SNX18: variants seen among roughly 807,000 people sequenced by gnomAD.
SNX18 encodes sorting nexin-18.
In SNX18, 35 loss-of-function variants were observed where a neutral mutation model predicts 48.7. That is an observed-to-expected ratio of 0.72 (90% CI 0.55 to 0.95). SNX18 has a LOEUF of 0.95. SNX18 is among the 40% of genes least tolerant of loss of function. The pLI, the probability that SNX18 is intolerant of heterozygous loss-of-function variation, is 0.00. For synonymous variants in SNX18, 492 were observed against 384.7 expected (o/e 1.28, Z -3.26); for missense variants, 824 against 871.0 (o/e 0.95, Z 0.68).
rs944947786 is a variant in SNX18, at chr5:54,546,316, TG to T, written c.*2885del. On this transcript the variant is annotated 3_prime_UTR_variant, in exon 2 of 2. Coordinates refer to ENST00000381410, the MANE Select transcript of SNX18 (RefSeq NM_001102575.2). Reference sequence around the variant, plus strand: ...TAAAGTTTGTGTAAAAACTTTTAAATGTCATTCTTAAGTTCATTGCCATAGC... The same window carrying T: ...TAAAGTTTGTGTAAAAACTTTTAAATTCATTCTTAAGTTCATTGCCATAGC... 6.6e-6 allele frequency: 1 copy of T among 152,270 alleles called. No homozygotes were observed. The highest frequency in any genetic ancestry group is 2.4e-5 in the African/African-American group (1 of 41,482). 9.4% of individuals were successfully genotyped at this position (152,270 alleles called of 1,614,324 possible).
At chr5:54,595,325 T>A in the SNX18 span, among the ~76,000 whole-genome samples, 1 of 152,190 alleles carries the variant, frequency 6.6e-6, no homozygotes, top group South Asian at 2.1e-4. Flanking sequence ...AACCTCTGCC[T>A]CTCAGGTTCA....
chr5:54,592,924 C>T, the SNX18 span, among the ~76,000 whole-genome samples: 14 of 152,192 alleles, frequency 9.2e-5, no homozygotes, highest in African/African-American at 3.1e-4. Context: ...CCTCAGCCTC[C>T]CAAGTAGCTG....
At chr5:54,643,933 G>C in the SNX18 span, 29 of 152,354 alleles carry the variant, frequency 1.9e-4, no homozygotes, top group East Asian at 3.9e-3. Context: ...TGCTCAGGCC[G>C]AAATCAGTGG....
At chr5:54,520,747 C>T (rs1405969605) in intron 1 of SNX18, 1 of 167,196 alleles carries the variant, frequency 6.0e-6, no homozygotes, top group East Asian at 1.9e-4. Context: ...TCCTTCCTCT[C>T]TGCTTCTCTC....
Position 54,518,782 on chromosome 5 carries a change from A to C in SNX18, c.830A>C (p.Gln277Pro), listed in dbSNP as rs867519520. The C allele has an allele frequency of 6.2e-7, 1 of 1,605,038 alleles. No homozygotes were observed. The highest frequency in any genetic ancestry group is 1.1e-5 in the South Asian group (1 of 89,858). The stretch of plus-strand genomic sequence containing the variant: ...TGGCAGGAGAACCCCTACCCGTTCC[A>C]GTGCACCATCGACGACCCCACCAAG... ...PEWQENPYPF[Q>P]CTIDDPTKQT... Residue 277 changes from glutamine to proline, a missense_variant, in exon 1 of 2, where the codon CAG (glutamine) becomes CCG (proline). By Grantham distance (76) the Gln-to-Pro change is moderately conservative. Coordinates refer to ENST00000381410, the MANE Select transcript of SNX18 (RefSeq NM_001102575.2).
the SNX18 span, among the ~76,000 whole-genome samples, chr5:54,587,694 T>C: frequency 6.6e-6 from 1 of 152,192 alleles, no homozygotes; most frequent in South Asian, 2.1e-4. Context: ...GTTAATATGA[T>C]GTTGAAAACA....
chr5:54,627,681 C>A, the SNX18 span, among the ~76,000 whole-genome samples: 1 of 152,032 alleles, frequency 6.6e-6, no homozygotes, highest in Non-Finnish European at 1.5e-5. Flanking sequence ...GTGGGGGGAC[C>A]AGTGGCAGGG....
At chr5:54,568,832 A>G in the SNX18 span, among the ~76,000 whole-genome samples, 1 of 113,242 alleles carries the variant, frequency 8.8e-6, no homozygotes, top group Non-Finnish European at 1.7e-5. Flanking sequence ...TTTCAGTGGT[A>G]CTTTTTTTTT....
At chr5:54,638,376 G>C in the SNX18 span, among the ~76,000 whole-genome samples, 1 of 152,172 alleles carries the variant, frequency 6.6e-6, no homozygotes, top group Admixed American at 6.5e-5. Flanking sequence ...TGACACCTCT[G>C]AGTTTTATAA....
At chr5:54,572,775 T>TATATATA in the SNX18 span, among the ~76,000 whole-genome samples, 1 of 8,702 alleles carries the variant, frequency 1.1e-4, no homozygotes, top group African/African-American at 3.3e-4. Flanking sequence ...TATATATATA[T>TATATATA]TTTTTTTTTT....
chr5:54,549,728 G>A (rs530694290), downstream of SNX18, among the ~76,000 whole-genome samples: 3 of 152,266 alleles, frequency 2.0e-5, no homozygotes, highest in East Asian at 5.8e-4. Context: ...ATGTACTTGG[G>A]ACCTAGGACA....
In SNX18 at chr5:54,543,719, G is replaced by A. The variant is rs1762515149; in HGVS notation, c.*287G>A. On this transcript the variant is annotated 3_prime_UTR_variant, in exon 2 of 2. Transcript: ENST00000381410. ...ACTATTTGCCTTATTGCTTTTTGAA[G>A]TATGGGTATTTTAGTGCATACTTTG... 9.5e-6 allele frequency: 3 copies of A among 315,376 alleles called. No individual in the cohort carries two copies. Among genetic ancestry groups the A allele is most frequent in the East Asian group, 1.4e-4 (2 of 14,444 alleles). 19.5% of individuals were successfully genotyped at this position (315,376 alleles called of 1,614,324 possible). A position where few individuals can be genotyped will look rare whatever the true frequency, so the allele number is the denominator to read the frequency against.
chr5:54,586,831 A>G, the SNX18 span, among the ~76,000 whole-genome samples: 1 of 152,142 alleles, frequency 6.6e-6, no homozygotes, highest in East Asian at 1.9e-4. Flanking sequence ...AGGGCAAGCC[A>G]AGGATGGAAG....
Position 54,543,402 on chromosome 5 carries a change from A to G in SNX18, c.1845A>G (p.Glu615=), listed in dbSNP as rs1465663566. Residue 615 remains glutamate (E), a synonymous_variant, in exon 2 of 2, where the codon GAA becomes GAG. Coordinates refer to ENST00000381410, the MANE Select transcript of SNX18 (RefSeq NM_001102575.2). ...IFFQKVTQKL[E]EALHKYDSV ...TCCAAAAAGTTACCCAGAAGTTGGA[A>G]GAAGCTCTTCACAAATATGATAGTG... 6 of 1,614,200 alleles carry G rather than the reference A, an allele frequency of 3.7e-6. No individual in the cohort carries two copies. The Middle Eastern group carries it at 8.3e-4, about 222-fold the overall frequency.
chr5:54,559,434 T>A, the SNX18 span, among the ~76,000 whole-genome samples: 5 of 152,164 alleles, frequency 3.3e-5, no homozygotes, highest in African/African-American at 4.8e-5. Flanking sequence ...CCTACAACCA[T>A]CTGATTAGCA....
the SNX18 span, among the ~76,000 whole-genome samples, chr5:54,588,336 T>C: frequency 2.1e-5 from 1 of 48,278 alleles, no homozygotes; most frequent in Admixed American, 2.5e-4. Flanking sequence ...TTTTTTTTTT[T>C]TTTTTTTTTG....
At chr5:54,572,665 T>C in the SNX18 span, among the ~76,000 whole-genome samples, 87 of 150,886 alleles carry the variant, frequency 5.8e-4, no homozygotes, top group Non-Finnish European at 1.1e-3. Flanking sequence ...TTGATGCTTA[T>C]GTTAATTTAT....
At chr5:54,531,652 A>G (rs1762253826) in intron 1 of SNX18, among the ~76,000 whole-genome samples, 1 of 152,204 alleles carries the variant, frequency 6.6e-6, no homozygotes, top group Non-Finnish European at 1.5e-5. Context: ...TCATACAAGG[A>G]TGTCCGGATG....
At chr5:54,555,377 T>C in the SNX18 span, among the ~76,000 whole-genome samples, 152 of 151,586 alleles carry the variant, frequency 1.0e-3, no homozygotes, top group African/African-American at 3.6e-3. Context: ...GGCATACCTT[T>C]CTTTTTTTTT....
Sources: gnomAD v4.1 joint callset for allele counts (sites outside exome capture counted in the v4.1 genomes callset) on GRCh38, gnomAD v4.1.1 for gene constraint, MANE v1.5 for transcripts, NCBI Gene and HGNC (gene_info 2026-07-23, HGNC 2026-07-21) for gene names.